The following PTPRT variants were observed in gnomAD, a reference collection of about 807,000 sequenced individuals.
PTPRT encodes protein tyrosine phosphatase receptor type T.
A neutral mutation model predicts 176.8 loss-of-function variants in PTPRT; 56 were observed. The observed-to-expected ratio is 0.32, with a 90% CI of 0.26 to 0.40. The LOEUF is 0.40. Ranked by LOEUF, PTPRT falls within the 10% of genes least tolerant of loss-of-function variation. PTPRT has a pLI of 1.00. For missense variants in PTPRT, 1,540 were observed against 1,908.2 expected, an observed-to-expected ratio of 0.81 and a Z score of 3.60; for synonymous variants, 783 against 739.0, an observed-to-expected ratio of 1.06 and a Z score of -0.96.
intron 7 of PTPRT, among the ~76,000 whole-genome samples, chr20:42,562,323 G>A (rs537021136): frequency 3.2e-4 from 48 of 152,290 alleles, no homozygotes; most frequent in Middle Eastern, 3.4e-3. Context: ...AGTTTTGCCT[G>A]TTTGTGAATG....
At chr20:42,796,525 A>C (rs2077457044) in intron 2 of PTPRT, among the ~76,000 whole-genome samples, 1 of 152,228 alleles carries the variant, frequency 6.6e-6, no homozygotes, top group African/African-American at 2.4e-5. Flanking sequence ...ATTTAGACTC[A>C]GATTTTCCGA....
chr20:42,112,601 G>A (rs1357899582), intron 22 of PTPRT, among the ~76,000 whole-genome samples: 1 of 152,160 alleles, frequency 6.6e-6, no homozygotes, highest in Non-Finnish European at 1.5e-5. Context: ...TACCATTCAT[G>A]TTCCAGGGCT....
chr20:42,078,592 T>C lies in PTPRT; in HGVS notation c.*2287A>G. ...CTTGGCCAACACGAAGCTGAGTGCA[T>C]CTCTCTAAAGCTCCATGGACTCCTT... On this transcript the variant is annotated 3_prime_UTR_variant, in exon 31 of 31. Transcript: ENST00000373187. The C allele has an allele frequency of 5.4e-6, 1 of 185,494 alleles. No homozygotes were observed. The highest frequency in any genetic ancestry group is 8.7e-5 in the East Asian group (1 of 11,560). The allele number at this position is 185,494 out of a possible 1,614,324, so 11.5% of individuals were successfully genotyped here.
chr20:42,183,469 G>T (rs1048414644), intron 16 of PTPRT, among the ~76,000 whole-genome samples: 1 of 152,176 alleles, frequency 6.6e-6, no homozygotes, highest in African/African-American at 2.4e-5. Flanking sequence ...AATTGTACAA[G>T]AGAGCAAAAG....
At chr20:42,973,477 C>CAT (rs2146070664) in intron 1 of PTPRT, among the ~76,000 whole-genome samples, 1 of 151,894 alleles carries the variant, frequency 6.6e-6, no homozygotes, top group Admixed American at 6.6e-5. Context: ...GTGTGTGCAT[C>CAT]ATATTGCTCC....
chr20:42,683,930 A>G (rs79285983), intron 6 of PTPRT, among the ~76,000 whole-genome samples: 12,526 of 152,258 alleles, frequency 0.082, 571 homozygotes, highest in South Asian at 0.16. Flanking sequence ...TGTGTACTGA[A>G]TGACTACCCT....
At chr20:42,306,937 A>C (rs755346988) in intron 12 of PTPRT, among the ~76,000 whole-genome samples, 7 of 152,228 alleles carry the variant, frequency 4.6e-5, no homozygotes, top group Non-Finnish European at 1.0e-4. Context: ...CAATCAAGGA[A>C]GCAGCATAGG....
At chr20:42,319,262 C>CTTTTTTTT (rs11483379) in intron 11 of PTPRT, among the ~76,000 whole-genome samples, 1 of 142,636 alleles carries the variant, frequency 7.0e-6, no homozygotes, top group African/African-American at 2.6e-5. Flanking sequence ...AGTATCCTTC[C>CTTTTTTTT]TTTTTTTTTT....
intron 9 of PTPRT, among the ~76,000 whole-genome samples, chr20:42,443,091 C>T (rs7361185): frequency 0.012 from 1,798 of 152,276 alleles, 36 homozygotes; most frequent in African/African-American, 0.041. Context: ...ATTGTTTAGA[C>T]GTCAGGTGAG....
chr20:42,117,923 A>G (rs1987373601), intron 21 of PTPRT, among the ~76,000 whole-genome samples: 1 of 152,250 alleles, frequency 6.6e-6, no homozygotes, highest in African/African-American at 2.4e-5. Context: ...AATGAAAAAA[A>G]TTATTGAGTA....
chr20:42,462,922 A>C (rs6030262), intron 8 of PTPRT, among the ~76,000 whole-genome samples: 1 of 152,212 alleles, frequency 6.6e-6, no homozygotes, highest in African/African-American at 2.4e-5. Flanking sequence ...CCAAGGTTGC[A>C]TAGTGAAGTA....
At chr20:42,941,094 T>TA (rs1568690963) in intron 1 of PTPRT, among the ~76,000 whole-genome samples, 1 of 145,920 alleles carries the variant, frequency 6.9e-6, no homozygotes, top group African/African-American at 2.7e-5. Context: ...AAAAAAATAA[T>TA]AATAATAATA....
At chr20:42,130,708 C>T (rs2146369921) in intron 18 of PTPRT, among the ~76,000 whole-genome samples, 1 of 152,304 alleles carries the variant, frequency 6.6e-6, no homozygotes, top group Non-Finnish European at 1.5e-5. Context: ...TGCTAGACAG[C>T]AAGTTATACT....
At chr20:42,423,033 G>A (rs542923013) in intron 9 of PTPRT, among the ~76,000 whole-genome samples, 1 of 152,008 alleles carries the variant, frequency 6.6e-6, no homozygotes, top group Non-Finnish European at 1.5e-5. Flanking sequence ...AACACACACT[G>A]GGGCCTTTCA....
chr20:42,437,470 G>A (rs910422399), intron 9 of PTPRT, among the ~76,000 whole-genome samples: 1 of 152,140 alleles, frequency 6.6e-6, no homozygotes, highest in Non-Finnish European at 1.5e-5. Flanking sequence ...CGATACACAC[G>A]TTAAAAACGT....
intron 1 of PTPRT, among the ~76,000 whole-genome samples, chr20:42,965,379 A>G (rs1171777377): frequency 6.6e-6 from 1 of 152,240 alleles, no homozygotes. Flanking sequence ...CAACTTACAG[A>G]TATACAATAG....
intron 9 of PTPRT, among the ~76,000 whole-genome samples, chr20:42,395,196 C>T (rs1309225619): frequency 6.6e-6 from 1 of 152,182 alleles, no homozygotes; most frequent in East Asian, 1.9e-4. Flanking sequence ...AAACCTCCAA[C>T]ACCTCCACGC....
At position 42,724,319 on chromosome 20, in the gene PTPRT, C is replaced by T. The variant is rs570889432; in HGVS notation, c.859+32143G>A. On this transcript the variant is annotated intron_variant, in intron 6 of 30. Transcript: ENST00000373187. ...CTCCCCTAATTCAGTCTCTGTCCTC[C>T]CTCATGCACCTGGAGGCCCAAATCT... 3.4e-4 allele frequency among the ~76,000 whole-genome samples: 52 copies of T among 152,308 alleles called. 1 individual carries two copies. The Middle Eastern group carries it at 0.01, about 30-fold the overall frequency.
At chr20:42,829,752 ATG>A (rs2078055349) in intron 2 of PTPRT, among the ~76,000 whole-genome samples, 1 of 152,202 alleles carries the variant, frequency 6.6e-6, no homozygotes, top group Non-Finnish European at 1.5e-5. Flanking sequence ...CCAATTAGAA[ATG>A]ACAGAGGGGA....
Sources: gnomAD v4.1 joint callset for allele counts (sites outside exome capture counted in the v4.1 genomes callset) on GRCh38, gnomAD v4.1.1 for gene constraint, MANE v1.5 for transcripts, NCBI Gene and HGNC (gene_info 2026-07-23, HGNC 2026-07-21) for gene names.